Variants in FOXP2 observed in about 807,000 individuals in gnomAD.
FOXP2 encodes the protein forkhead box protein P2.
In FOXP2, 12 loss-of-function variants were observed where a neutral mutation model predicts 115.8. That is an observed-to-expected ratio of 0.10 (90% CI 0.07 to 0.17). The LOEUF (loss-of-function observed/expected upper bound fraction) is 0.17. Among genes scored for constraint, FOXP2 ranks in the 10% least tolerant of loss-of-function variants. The pLI is 1.00. For missense variants in FOXP2, 629 were observed against 843.5 expected, an observed-to-expected ratio of 0.75 and a Z score of 3.15; for synonymous variants, 328 against 297.7, an observed-to-expected ratio of 1.10 and a Z score of -1.05.
intron 3 of FOXP2, among the ~76,000 whole-genome samples, chr7:114,608,068 C>T (rs1803426292): frequency 6.6e-6 from 1 of 151,646 alleles, no homozygotes; most frequent in African/African-American, 2.4e-5. Context: ...TGGCTTGGGC[C>T]ATATCTACAC....
intron 2 of FOXP2, among the ~76,000 whole-genome samples, chr7:114,383,067 T>G (rs1792347598): frequency 6.6e-6 from 1 of 152,226 alleles, no homozygotes; most frequent in Non-Finnish European, 1.5e-5. Flanking sequence ...GTCATTGACC[T>G]GACTGAGATA....
intron 1 of FOXP2, among the ~76,000 whole-genome samples, chr7:114,171,691 G>A (rs1045930594): frequency 2.2e-4 from 33 of 152,104 alleles, no homozygotes; most frequent in Non-Finnish European, 2.2e-4. Flanking sequence ...CAGATCAAGG[G>A]GTAATTTCCA....
At chr7:114,264,854 G>A (rs138576546) in intron 1 of FOXP2, among the ~76,000 whole-genome samples, 10 of 152,058 alleles carry the variant, frequency 6.6e-5, no homozygotes, top group South Asian at 4.1e-4. Flanking sequence ...GAGAGTGTGC[G>A]GGGTGGGGAG....
intron 3 of FOXP2, among the ~76,000 whole-genome samples, chr7:114,585,469 C>T (rs978469310): frequency 6.6e-6 from 1 of 151,908 alleles, no homozygotes; most frequent in Non-Finnish European, 1.5e-5. Context: ...TCAGTGGGGC[C>T]CCACCACACA....
intron 1 of FOXP2, among the ~76,000 whole-genome samples, chr7:114,176,543 A>G (rs1223901892): frequency 6.6e-6 from 1 of 150,948 alleles, no homozygotes; most frequent in Non-Finnish European, 1.5e-5. Context: ...ATTTCACCAT[A>G]TTGCCCAGGC....
chr7:114,489,840 A>G (rs1796952971), intron 2 of FOXP2, among the ~76,000 whole-genome samples: 1 of 152,138 alleles, frequency 6.6e-6, no homozygotes, highest in African/African-American at 2.4e-5. Flanking sequence ...TCCACATTGT[A>G]TGTCATCAAG....
Position 114,652,063 on chromosome 7 carries a change from T to G in FOXP2, c.1095-140T>G, listed in dbSNP as rs1283019608. ...ACACAACACGTAAGCAGCTTTAACT[T>G]TTATCTGTATGGTTTCAAGGCTTTC... On this transcript the variant is annotated intron_variant, in intron 8 of 16. Transcript: ENST00000350908. The G allele has an allele frequency of 3.9e-6, 3 of 760,812 alleles. No homozygotes were observed. In the African/African-American group the frequency reaches 5.2e-5, roughly 13 times the overall value. 47.1% of individuals were successfully genotyped at this position (760,812 alleles called of 1,614,324 possible).
At chr7:114,405,372 A>G (rs916551644) in intron 2 of FOXP2, among the ~76,000 whole-genome samples, 1 of 151,902 alleles carries the variant, frequency 6.6e-6, no homozygotes, top group Admixed American at 6.6e-5. Context: ...GGAATAAACT[A>G]TGAGTAAAAC....
chr7:114,632,298 T>A (rs1804963764), intron 6 of FOXP2, among the ~76,000 whole-genome samples: 1 of 152,238 alleles, frequency 6.6e-6, no homozygotes, highest in African/African-American at 2.4e-5. Context: ...ATCTGTCAAC[T>A]GTATTCTTAT....
At chr7:114,281,839 A>T (rs146709063) in intron 1 of FOXP2, among the ~76,000 whole-genome samples, 1 of 151,938 alleles carries the variant, frequency 6.6e-6, no homozygotes, top group Non-Finnish European at 1.5e-5. Flanking sequence ...TTTCATCTCT[A>T]TTTCTGTGAA....
chr7:114,227,611 T>A (rs1794773771), intron 1 of FOXP2, among the ~76,000 whole-genome samples: 1 of 152,072 alleles, frequency 6.6e-6, no homozygotes, highest in Non-Finnish European at 1.5e-5. Flanking sequence ...CTTACTTTTT[T>A]TAAAGTTAGA....
rs1318771246 is a variant in FOXP2, at chr7:114,652,195, T to G, written c.1095-8T>G. 6.2e-7 allele frequency: 1 copy of G among 1,612,540 alleles called. No homozygotes were observed. Among genetic ancestry groups the G allele is most frequent in the Non-Finnish European group, 8.5e-7 (1 of 1,179,036 alleles). ...TTACATTCTGTTTTGTGTCTTCTGT[T>G]TGTTTAGGCACCTTAACAATGAACA... On this transcript the variant is annotated splice_region_variant and splice_polypyrimidine_tract_variant and intron_variant, in intron 8 of 16. Transcript: ENST00000350908.
chr7:114,285,098 G>A (rs1210944524), intron 1 of FOXP2, among the ~76,000 whole-genome samples: 1 of 152,056 alleles, frequency 6.6e-6, no homozygotes, highest in Non-Finnish European at 1.5e-5. Context: ...ATACCTGCAT[G>A]ACAAAATAGT....
Position 114,252,535 on chromosome 7 carries a change from C to A in FOXP2, c.-101-35484C>A, listed in dbSNP as rs567579802. Among the ~76,000 whole-genome samples, 204 of 152,178 alleles carry A rather than the reference C, an allele frequency of 1.3e-3. 1 individual carries two copies. Among genetic ancestry groups the A allele is most frequent in the African/African-American group, 4.7e-3 (196 of 41,524 alleles). On this transcript the variant is annotated intron_variant, in intron 1 of 17. Transcript: ENST00000634411. ...TTTAGTCTTGGGAGGGTGTATGTGT[C>A]CAGGAATTTATCCATTTCTTCTAGA... is the stretch of plus-strand genomic sequence containing the variant.
intron 1 of FOXP2, among the ~76,000 whole-genome samples, chr7:114,147,005 G>A (rs1792388183): frequency 6.6e-6 from 1 of 152,106 alleles, no homozygotes; most frequent in Non-Finnish European, 1.5e-5. Flanking sequence ...CAAAAATGTG[G>A]TTCTTTAAAA....
chr7:114,660,345 T>C (rs1157718429), intron 13 of FOXP2, among the ~76,000 whole-genome samples: 1 of 152,182 alleles, frequency 6.6e-6, no homozygotes, highest in Non-Finnish European at 1.5e-5. Flanking sequence ...ACAGACTAAG[T>C]GAACTGTTTT....
At chr7:114,301,895 A>G (rs997674857) in intron 2 of FOXP2, among the ~76,000 whole-genome samples, 6 of 152,128 alleles carry the variant, frequency 3.9e-5, no homozygotes, top group African/African-American at 1.4e-4. Context: ...GCTTTCTGCC[A>G]TACTTTTTAG....
At chr7:114,594,687 A>T (rs1034986429) in intron 3 of FOXP2, among the ~76,000 whole-genome samples, 6 of 152,072 alleles carry the variant, frequency 3.9e-5, no homozygotes, top group Non-Finnish European at 8.8e-5. Context: ...AAGGTGGCAG[A>T]TATTTAAGCA....
intron 2 of FOXP2, among the ~76,000 whole-genome samples, chr7:114,293,938 A>G (rs1406686409): frequency 1.3e-5 from 2 of 152,160 alleles, no homozygotes; most frequent in South Asian, 2.1e-4. Flanking sequence ...ATTTTTATGC[A>G]CTCATAGATA....
Sources: gnomAD v4.1 joint callset for allele counts (sites outside exome capture counted in the v4.1 genomes callset) on GRCh38, gnomAD v4.1.1 for gene constraint, MANE v1.5 for transcripts, NCBI Gene and HGNC (gene_info 2026-07-23, HGNC 2026-07-21) for gene names.